Variants in ZNF280C observed in about 807,000 individuals in gnomAD.
The protein encoded by ZNF280C is zinc finger protein 280C.
In ZNF280C, 14 loss-of-function variants were observed where a neutral mutation model predicts 53.6. The ratio of observed to expected loss-of-function variants is 0.26; its 90% CI spans 0.17 to 0.41. ZNF280C has a LOEUF of 0.41. ZNF280C is among the 10% of genes least tolerant of loss of function. The pLI, the probability that ZNF280C is intolerant of heterozygous loss-of-function variation, is 1.00. For synonymous variants in ZNF280C, 203 were observed against 181.1 expected, an observed-to-expected ratio of 1.12 and a Z score of -0.97; for missense variants, 416 against 547.1, an observed-to-expected ratio of 0.76 and a Z score of 2.39.
intron 2 of ZNF280C, among the ~76,000 whole-genome samples, chrX:130,248,022 T>C (rs1388065785): frequency 9.5e-6 from 1 of 105,547 alleles, no homozygotes; most frequent in Non-Finnish European, 1.9e-5. Context: ...GGACAACCAA[T>C]GCGTACCAGA....
chrX:130,202,830 C>T lies in ZNF280C; in HGVS notation c.*2147G>A, dbSNP rs957354603. 1.6e-4 allele frequency: 18 copies of T among 110,598 alleles called. No homozygotes were observed. The highest frequency in any genetic ancestry group is 3.2e-4 in the Non-Finnish European group (17 of 52,806). The allele number at this position is 110,598 out of a possible 1,213,427, so 9.1% of individuals were successfully genotyped here. The stretch of plus-strand genomic sequence containing the variant: ...ATTCAATGTAACCAAAATAAACAAA[C>T]AAGAAATTAAAAAAAATATACATCT... On this transcript the variant is annotated 3_prime_UTR_variant, in exon 19 of 19. Coordinates refer to ENST00000370978, the MANE Select transcript of ZNF280C (RefSeq NM_017666.5).
intron 16 of ZNF280C, among the ~76,000 whole-genome samples, chrX:130,207,619 C>T (rs1211883790): frequency 9.0e-6 from 1 of 111,258 alleles, no homozygotes; most frequent in Admixed American, 9.6e-5. Flanking sequence ...ACCTCAGCTG[C>T]CCAAAGTGCT....
intron 9 of ZNF280C, among the ~76,000 whole-genome samples, 165 bp from the exon 10 acceptor site, chrX:130,229,299 CT>C (rs972590091): frequency 5.4e-5 from 6 of 112,109 alleles, no homozygotes; most frequent in African/African-American, 1.9e-4. Context: ...AAATAATTTA[CT>C]TTCATTAAGT....
intron 15 of ZNF280C, among the ~76,000 whole-genome samples, chrX:130,210,833 A>T (rs147226436): frequency 9.1e-4 from 102 of 112,653 alleles, no homozygotes; most frequent in African/African-American, 2.9e-3. Context: ...TTAGCCTAGC[A>T]CAGTATTACT....
intron 15 of ZNF280C, among the ~76,000 whole-genome samples, chrX:130,214,623 G>C (rs996750006): frequency 2.7e-5 from 3 of 111,291 alleles, no homozygotes; most frequent in Non-Finnish European, 5.7e-5. Flanking sequence ...AAATGGCATA[G>C]TACTTGCACA....
chrX:130,234,356 T>C (rs2032309923), intron 8 of ZNF280C, among the ~76,000 whole-genome samples: 1 of 111,697 alleles, frequency 9.0e-6, no homozygotes, highest in South Asian at 3.8e-4. Context: ...GATACATCTA[T>C]GTCCTAAAGA....
intron 15 of ZNF280C, among the ~76,000 whole-genome samples, chrX:130,212,787 C>T (rs2032053669): frequency 1.8e-5 from 2 of 110,682 alleles, no homozygotes; most frequent in Non-Finnish European, 3.8e-5. Context: ...TCTACAGACA[C>T]AATGAATGTG....
At chrX:130,263,876 T>C (rs989661068) in intron 1 of ZNF280C, among the ~76,000 whole-genome samples, 1 of 108,436 alleles carries the variant, frequency 9.2e-6, no homozygotes, top group Non-Finnish European at 1.9e-5. Flanking sequence ...AATATAAAAA[T>C]TAGCTGGGCG....
In ZNF280C at chrX:130,204,723, G is replaced by GA. The variant is rs2031952755; in HGVS notation, c.*253dup. ...CTGAAGGCAAGTCAAGTATAGCAGA[G>GA]AAAAACAAAAGGCATTTTTGGAGAG... On this transcript the variant is annotated 3_prime_UTR_variant, in exon 19 of 19. Transcript: ENST00000370978. 7 of 274,567 alleles carry GA rather than the reference G, an allele frequency of 2.5e-5. No homozygotes were observed. The highest frequency in any genetic ancestry group is 4.4e-5 in the Non-Finnish European group (7 of 157,910). 22.6% of individuals were successfully genotyped at this position (274,567 alleles called of 1,213,427 possible). A position where few individuals can be genotyped will look rare whatever the true frequency, so the allele number is the denominator to read the frequency against.
At chrX:130,248,155 G>A (rs972239233) in intron 2 of ZNF280C, among the ~76,000 whole-genome samples, 2 of 97,258 alleles carry the variant, frequency 2.1e-5, no homozygotes, top group Non-Finnish European at 4.1e-5. Flanking sequence ...AGCTGCCACC[G>A]AGGGACTGGG....
chrX:130,231,704 T>C (rs895249700), intron 8 of ZNF280C, among the ~76,000 whole-genome samples: 1 of 110,238 alleles, frequency 9.1e-6, no homozygotes, highest in Non-Finnish European at 1.9e-5. Flanking sequence ...AACTTGCACA[T>C]GTACCCCTGA....
intron 1 of ZNF280C, among the ~76,000 whole-genome samples, chrX:130,263,585 T>C (rs1206629926): frequency 9.0e-6 from 1 of 111,521 alleles, no homozygotes; most frequent in Admixed American, 9.5e-5. Context: ...TGTTAATGGG[T>C]ACAGGGTTTC....
chrX:130,246,955 C>T lies in ZNF280C; in HGVS notation c.82G>A (p.Glu28Lys), dbSNP rs1464940233. 7.4e-6 allele frequency: 9 copies of T among 1,209,542 alleles called. No individual in the cohort carries two copies. Residue 28 changes from glutamate to lysine, a missense_variant, in exon 3 of 19, where the codon GAG becomes AAG. Glu to Lys is a moderately conservative substitution (Grantham distance 56, BLOSUM62 1). Around this residue, in one of 3 missense-constraint regions of ZNF280C, gnomAD observed 193 missense variants for 201.4 expected, o/e 0.96. Coordinates refer to ENST00000370978, the MANE Select transcript of ZNF280C (RefSeq NM_017666.5). ...LFMECEEEEL[E>K]PWQKKVEETQ... ...TCTTCTACTTTCTTCTGCCATGGCT[C>T]TAGCTCTTCTTCTTCACATTCCATA...
rs1201131379 is a variant in ZNF280C, at chrX:130,203,387, TGGCTCAC to T, written c.*1583_*1589del. The T allele has an allele frequency of 8.9e-6, 1 of 112,011 alleles. No individual in the cohort carries two copies. The highest frequency in any genetic ancestry group is 1.9e-5 in the Non-Finnish European group (1 of 53,154). The allele number at this position is 112,011 out of a possible 1,213,427, so 9.2% of individuals were successfully genotyped here. A position where few individuals can be genotyped will look rare whatever the true frequency, so the allele number is the denominator to read the frequency against. ...AAATGTGAGTATCGGTCGGGTGCAG[TGGCTCAC>T]ACCTGTAATCCCAGCACTTTGGGAG... On this transcript the variant is annotated 3_prime_UTR_variant, in exon 19 of 19. Coordinates refer to ENST00000370978, the MANE Select transcript of ZNF280C (RefSeq NM_017666.5).
rs368561135 is a variant in ZNF280C at position 130,209,640 on chromosome X, G to C, written c.2042+13C>G. 1.2e-4 allele frequency: 138 copies of C among 1,178,958 alleles called. No homozygotes were observed. The African/African-American group carries it at 2.2e-3, about 19-fold the overall frequency. ...TATTTCAATTGAAAGAAAAAAAAAA[G>C]ATCAATGATTACCTGAGAGTTCCTG... is the stretch of plus-strand genomic sequence containing the variant. On this transcript the variant is annotated intron_variant, in intron 16 of 18. Transcript: ENST00000370978.
chrX:130,211,097 T>C (rs1002324319), intron 15 of ZNF280C, among the ~76,000 whole-genome samples: 1 of 112,157 alleles, frequency 8.9e-6, no homozygotes, highest in Admixed American at 9.5e-5. Flanking sequence ...CAGCTTACTA[T>C]ATATGCATGG....
At chrX:130,230,062 C>T (rs1394262135) in intron 9 of ZNF280C, among the ~76,000 whole-genome samples, 10 of 111,593 alleles carry the variant, frequency 9.0e-5, no homozygotes, top group Non-Finnish European at 1.9e-4. Flanking sequence ...AAACACTTCT[C>T]TTTGGTTTTG....
chrX:130,264,446 T>A (rs954244970), intron 1 of ZNF280C, among the ~76,000 whole-genome samples: 1 of 111,487 alleles, frequency 9.0e-6, no homozygotes, highest in African/African-American at 3.3e-5. Flanking sequence ...GCAAGAGAGC[T>A]CTATAACAAT....
At chrX:130,209,624 T>C (rs770602679) in intron 16 of ZNF280C, 29 bp downstream of exon 16, 2 of 1,164,461 alleles carry the variant, frequency 1.7e-6, no homozygotes, top group Non-Finnish European at 2.3e-6. Context: ...ATATTTCAAT[T>C]GAAAGAAAAA....
Sources: allele counts gnomAD v4.1 joint callset (sites outside exome capture counted in the v4.1 genomes callset), GRCh38; gene constraint gnomAD v4.1.1; regional missense constraint gnomAD v4.1.1; transcripts MANE v1.5; gene names NCBI Gene and HGNC (gene_info 2026-07-23, HGNC 2026-07-21).